The following LDB2 variants were observed in gnomAD, a reference collection of about 807,000 sequenced individuals.
The protein encoded by LDB2 is LIM domain-binding protein 2.
Under a neutral mutation model 44.3 loss-of-function variants are expected in LDB2, and 12 were observed. The ratio of observed to expected loss-of-function variants is 0.27; its 90% CI spans 0.17 to 0.44. LDB2 has a LOEUF of 0.44. Among genes scored for constraint, LDB2 ranks in the 20% least tolerant of loss-of-function variants. The probability of loss-of-function intolerance (pLI) is 1.00; values close to 1 mark genes in which losing one functional copy is unlikely to be tolerated. For missense variants in LDB2, 344 were observed against 473.5 expected (o/e 0.73, Z 2.54); for synonymous variants, 164 against 174.8 (o/e 0.94, Z 0.49).
chr4:16,747,286 A>G (rs1344354272), intron 2 of LDB2, among the ~76,000 whole-genome samples: 1 of 152,150 alleles, frequency 6.6e-6, no homozygotes, highest in Non-Finnish European at 1.5e-5. Flanking sequence ...CCATCTTTTA[A>G]AAAAATAATA....
intron 1 of LDB2, among the ~76,000 whole-genome samples, chr4:16,795,273 G>A (rs1776524292): frequency 6.6e-6 from 1 of 152,144 alleles, no homozygotes; most frequent in Admixed American, 6.6e-5. Context: ...GAGAGCCTGT[G>A]GTGGAGACGG....
chr4:16,621,347 A>G (rs181873033), intron 2 of LDB2, among the ~76,000 whole-genome samples: 2 of 152,236 alleles, frequency 1.3e-5, no homozygotes, highest in East Asian at 1.9e-4. Flanking sequence ...TTGGTCCCAG[A>G]GGGTAGAGCA....
At chr4:16,888,278 A>C (rs1015025141) in intron 1 of LDB2, among the ~76,000 whole-genome samples, 2 of 152,358 alleles carry the variant, frequency 1.3e-5, no homozygotes, top group East Asian at 3.9e-4. Flanking sequence ...GGAACCTTTT[A>C]ATGTTTTGTT....
At chr4:16,520,589 A>G (rs1474325054) in intron 5 of LDB2, among the ~76,000 whole-genome samples, 2 of 152,186 alleles carry the variant, frequency 1.3e-5, no homozygotes, top group African/African-American at 4.8e-5. Flanking sequence ...TTGATTACTC[A>G]TGAAAGTTAT....
chr4:16,672,456 G>A (rs967952354), intron 2 of LDB2, among the ~76,000 whole-genome samples: 5 of 152,216 alleles, frequency 3.3e-5, no homozygotes, highest in African/African-American at 1.2e-4. Flanking sequence ...CCAAGCCCTA[G>A]CTCAACCCTT....
chr4:16,818,271 C>CTCT (rs1463014666), intron 1 of LDB2, among the ~76,000 whole-genome samples: 1 of 152,186 alleles, frequency 6.6e-6, no homozygotes, highest in Non-Finnish European at 1.5e-5. Context: ...TGAAAGCTAT[C>CTCT]AGTCTACTTA....
intron 1 of LDB2, among the ~76,000 whole-genome samples, chr4:16,859,179 G>A (rs887545127): frequency 5.9e-5 from 9 of 152,258 alleles, no homozygotes; most frequent in African/African-American, 2.2e-4. Flanking sequence ...AGTCATGAAT[G>A]CTTACTCTGA....
chr4:16,585,913 T>C lies in LDB2; in HGVS notation c.615+9A>G. ...TCACCAAAAAATAAAATCATTCGAT[T>C]GATCTTACCCTGAGGTAGTTGAGGG... On this transcript the variant is annotated intron_variant, in intron 5 of 7. Transcript: ENST00000304523. 2 of 1,606,590 alleles carry C rather than the reference T, an allele frequency of 1.2e-6. No homozygotes were observed. Among genetic ancestry groups the C allele is most frequent in the Non-Finnish European group, 1.7e-6 (2 of 1,173,308 alleles).
At chr4:16,893,071 A>G (rs1723879145) in intron 1 of LDB2, 3 of 971,298 alleles carry the variant, frequency 3.1e-6, no homozygotes, top group Non-Finnish European at 3.7e-6. Flanking sequence ...AGAGTCTTAC[A>G]ATTGGTTTTC....
chr4:16,806,707 T>C (rs921512713), intron 1 of LDB2, among the ~76,000 whole-genome samples: 1 of 152,168 alleles, frequency 6.6e-6, no homozygotes, highest in Non-Finnish European at 1.5e-5. Context: ...TCCCCAAATA[T>C]TGGGATGTAT....
At chr4:16,815,013 T>C (rs185007693) in intron 1 of LDB2, among the ~76,000 whole-genome samples, 13 of 152,388 alleles carry the variant, frequency 8.5e-5, no homozygotes, top group African/African-American at 3.1e-4. Flanking sequence ...CACAATTCTA[T>C]GTATTCACAT....
At chr4:16,657,414 T>C (rs1231702949) in intron 2 of LDB2, among the ~76,000 whole-genome samples, 1 of 152,150 alleles carries the variant, frequency 6.6e-6, no homozygotes, top group Non-Finnish European at 1.5e-5. Context: ...TGAACTAAAA[T>C]TTAAAATTCA....
chr4:16,799,979 T>C (rs895903564), intron 1 of LDB2, among the ~76,000 whole-genome samples: 5 of 152,224 alleles, frequency 3.3e-5, no homozygotes, highest in African/African-American at 7.2e-5. Context: ...TTTTCAATAG[T>C]TATTTTTTGC....
At chr4:16,659,731 G>A (rs574827057) in intron 2 of LDB2, among the ~76,000 whole-genome samples, 1 of 147,574 alleles carries the variant, frequency 6.8e-6, no homozygotes, top group Admixed American at 6.7e-5. Flanking sequence ...TCGGCCTTCT[G>A]AGAAAAGTGA....
intron 2 of LDB2, among the ~76,000 whole-genome samples, chr4:16,599,857 C>G (rs777111711): frequency 6.6e-6 from 1 of 152,168 alleles, no homozygotes; most frequent in Non-Finnish European, 1.5e-5. Context: ...TTTTGTCCCT[C>G]TCTTTCAAAT....
chr4:16,844,467 C>T (rs1306384437), intron 1 of LDB2, among the ~76,000 whole-genome samples: 2 of 152,132 alleles, frequency 1.3e-5, no homozygotes, highest in Non-Finnish European at 2.9e-5. Flanking sequence ...CACAAGAACA[C>T]TTGGGGCTCT....
At chr4:16,516,740 C>A (rs1723885216) in intron 5 of LDB2, among the ~76,000 whole-genome samples, 1 of 152,148 alleles carries the variant, frequency 6.6e-6, no homozygotes, top group South Asian at 2.1e-4. Context: ...AGCAACATTT[C>A]TTTTTCAGGT....
rs547940024 is a variant in LDB2 at position 16,522,414 on chromosome 4, G to A, written c.616-10310C>T. Among the ~76,000 whole-genome samples the A allele has an allele frequency of 9.0e-4, 135 of 149,738 alleles. 1 individual carries two copies. Among genetic ancestry groups the A allele is most frequent in the Middle Eastern group, 3.4e-3 (1 of 292 alleles). ...GTTGTGTCAATACTGAATATGTACAGACTTTTTTTCTTGTCATTAGTTCCT... is the reference window on the plus strand; with the variant it reads ...GTTGTGTCAATACTGAATATGTACAAACTTTTTTTCTTGTCATTAGTTCCT... On this transcript the variant is annotated intron_variant, in intron 5 of 7. Transcript: ENST00000304523.
At chr4:16,841,596 C>T (rs901668910) in intron 1 of LDB2, among the ~76,000 whole-genome samples, 4 of 152,170 alleles carry the variant, frequency 2.6e-5, no homozygotes, top group African/African-American at 7.2e-5. Context: ...ATAGCAGACA[C>T]GTTGTGCATT....
Sources: allele counts gnomAD v4.1 joint callset (sites outside exome capture counted in the v4.1 genomes callset), GRCh38; gene constraint gnomAD v4.1.1; transcripts MANE v1.5; gene names NCBI Gene and HGNC (gene_info 2026-07-23, HGNC 2026-07-21).